TMEM154: variants seen among roughly 807,000 people sequenced by gnomAD.
TMEM154 encodes the protein transmembrane protein 154.
TMEM154 carries 27 observed loss-of-function variants against 24.5 expected under a neutral mutation model. The observed-to-expected ratio is 1.10, with a 90% CI of 0.81 to 1.52. TMEM154 has a LOEUF of 1.52. TMEM154 is among the 40% of genes most tolerant of loss of function. The pLI is 0.00. For synonymous variants in TMEM154, 67 were observed against 76.8 expected, an observed-to-expected ratio of 0.87 and a Z score of 0.67; for missense variants, 228 against 213.4, an observed-to-expected ratio of 1.07 and a Z score of -0.43.
rs144736773 is a variant in TMEM154 at position 152,651,437 on chromosome 4, C to T, written c.364+1101G>A. Among the ~76,000 whole-genome samples, 116 of 152,366 alleles carry T rather than the reference C, an allele frequency of 7.6e-4. 1 individual carries two copies. The highest frequency in any genetic ancestry group is 2.4e-4 in the Non-Finnish European group (16 of 68,038). ...TCTAGATAACTTGCTGCAGCTCCTA[C>T]ATCAGTCCTTGCTGCTTCATCTTGC... On this transcript the variant is annotated intron_variant, in intron 3 of 6. Coordinates refer to ENST00000304385, the MANE Select transcript of TMEM154 (RefSeq NM_152680.3).
rs1751862514 is a variant in TMEM154, at chr4:152,622,751, G to A, written c.*5795C>T. ...ATACATATTATTCTCAGTATGCAAA[G>A]TAGGAGAAAAACACCTAAAACCTTT... is the stretch of plus-strand genomic sequence containing the variant. On this transcript the variant is annotated 3_prime_UTR_variant, in exon 7 of 7. Transcript: ENST00000304385. 2 of 152,160 alleles carry A rather than the reference G, an allele frequency of 1.3e-5. No homozygotes were observed. The highest frequency in any genetic ancestry group is 4.1e-4 in the South Asian group (2 of 4,838). 9.4% of individuals were successfully genotyped at this position (152,160 alleles called of 1,614,324 possible).
At chr4:152,645,581 T>C (rs929291265) in intron 3 of TMEM154, among the ~76,000 whole-genome samples, 2 of 152,226 alleles carry the variant, frequency 1.3e-5, no homozygotes, top group African/African-American at 4.8e-5. Flanking sequence ...TGAAACCTAT[T>C]GAAAAGCAAA....
chr4:152,641,903 CTTTTTTTT>C (rs780465309), intron 5 of TMEM154, among the ~76,000 whole-genome samples: 47 of 41,462 alleles, frequency 1.1e-3, no homozygotes, highest in Admixed American at 3.8e-3. Context: ...AGCAATAATT[CTTTTTTTT>C]TTTTTTTTTT....
At chr4:152,658,223 A>G (rs6841692) in intron 1 of TMEM154, among the ~76,000 whole-genome samples, 2 of 151,832 alleles carry the variant, frequency 1.3e-5, no homozygotes, top group African/African-American at 4.8e-5. Context: ...GAAATTTTTT[A>G]AAAAAGGCTT....
chr4:152,629,889 C>A (rs1230551231), intron 6 of TMEM154, among the ~76,000 whole-genome samples: 1 of 152,012 alleles, frequency 6.6e-6, no homozygotes, highest in Non-Finnish European at 1.5e-5. Flanking sequence ...GGGCAGGAGA[C>A]ATTGTGTATA....
At chr4:152,664,440 C>T (rs571324436) in intron 1 of TMEM154, among the ~76,000 whole-genome samples, 1 of 152,222 alleles carries the variant, frequency 6.6e-6, no homozygotes, top group Non-Finnish European at 1.5e-5. Flanking sequence ...GGCTTAAAAC[C>T]TATATGATGG....
chr4:152,671,483 C>T (rs995546697), intron 1 of TMEM154, among the ~76,000 whole-genome samples: 19 of 152,002 alleles, frequency 1.2e-4, no homozygotes, highest in African/African-American at 4.3e-4. Flanking sequence ...CGCGGTGGCT[C>T]ACGCCTGTAA....
rs1752313898 is a variant in TMEM154 at position 152,644,398 on chromosome 4, C to T, written c.392+17G>A. On this transcript the variant is annotated intron_variant, in intron 4 of 6. Coordinates refer to ENST00000304385, the MANE Select transcript of TMEM154 (RefSeq NM_152680.3). ...GTTCACACCCCAGGTGGATCAGAAG[C>T]AGCAGGGAAAACTTACACTTTCACG... 2 of 1,613,932 alleles carry T rather than the reference C, an allele frequency of 1.2e-6. No homozygotes were observed. The highest frequency in any genetic ancestry group is 1.7e-5 in the Admixed American group (1 of 59,988).
In TMEM154 at chr4:152,661,341, T is replaced by TCTCC. The variant is rs1554013049; in HGVS notation, c.65-8415_65-8414insGGAG. 1.2e-3 allele frequency among the ~76,000 whole-genome samples: 126 copies of TCTCC among 109,228 alleles called. 2 individuals carry two copies. The highest frequency in any genetic ancestry group is 4.1e-3 in the African/African-American group (118 of 28,976). 71.7% of individuals were successfully genotyped at this position (109,228 alleles called of 152,430 possible). A position where few individuals can be genotyped will look rare whatever the true frequency, so the allele number is the denominator to read the frequency against. ...CTCTCTCTCTCTCTCTCTCTCTCTC[T>TCTCC]CCCCCCAACTCTATGATAGCTTCAA... On this transcript the variant is annotated intron_variant, in intron 1 of 6. Transcript: ENST00000304385.
rs1156848664 is a variant in TMEM154, at chr4:152,652,693, T to G, written c.299A>C (p.Tyr100Ser). ...LLLSVVFLAT[Y>S]YKRKRTKQEP... The stretch of plus-strand genomic sequence containing the variant: ...TTGTTTAGTTCTTTTTCTTTTATAG[T>G]ATGTTGCAAGGAATACCACGGATAA... The change falls in exon 2 of 7, where the codon TAC (tyrosine) becomes TCC (serine). Residue 100 changes from tyrosine (Y) to serine (S), a missense_variant. Coordinates refer to ENST00000304385, the MANE Select transcript of TMEM154 (RefSeq NM_152680.3). 6.2e-7 allele frequency: 1 copy of G among 1,613,702 alleles called. No individual in the cohort carries two copies. The highest frequency in any genetic ancestry group is 1.7e-5 in the Admixed American group (1 of 59,948).
chr4:152,678,338 A>G (rs963642725), intron 1 of TMEM154, among the ~76,000 whole-genome samples: 3 of 152,128 alleles, frequency 2.0e-5, no homozygotes, highest in Admixed American at 1.3e-4. Context: ...ACTAGGACTC[A>G]ATCATTTTTT....
At chr4:152,636,402 T>A (rs561204412) in intron 6 of TMEM154, among the ~76,000 whole-genome samples, 2 of 152,188 alleles carry the variant, frequency 1.3e-5, no homozygotes, top group Non-Finnish European at 2.9e-5. Context: ...AAAATAAGAA[T>A]ATGAAACACT....
intron 6 of TMEM154, among the ~76,000 whole-genome samples, chr4:152,633,242 A>G (rs1425442751): frequency 6.6e-6 from 1 of 152,226 alleles, no homozygotes; most frequent in Non-Finnish European, 1.5e-5. Flanking sequence ...GACCGTGAGC[A>G]ACGGACAAAG....
intron 3 of TMEM154, chr4:152,647,239 G>A (rs1728270847): frequency 1.0e-6 from 1 of 984,926 alleles, no homozygotes; most frequent in Admixed American, 6.1e-5. Flanking sequence ...GACATAGTGT[G>A]CAGGTGTCCA....
At chr4:152,640,806 G>A (rs763573002) in intron 6 of TMEM154, 122 bp downstream of exon 6, 19 of 794,046 alleles carry the variant, frequency 2.4e-5, no homozygotes, top group South Asian at 6.3e-5. Flanking sequence ...ATATCCAGCC[G>A]CGTAAATGAT....
chr4:152,621,215 T>G lies in TMEM154; in HGVS notation c.*7331A>C, dbSNP rs1338407190. ...GGCTCACCCTTGTGCTGGTTCCCTC[T>G]CTTTCCTTCTTGTGAATATCATGCT... On this transcript the variant is annotated 3_prime_UTR_variant, in exon 7 of 7. Coordinates refer to ENST00000304385, the MANE Select transcript of TMEM154 (RefSeq NM_152680.3). 1 of 152,268 alleles carries G rather than the reference T, an allele frequency of 6.6e-6. No individual in the cohort carries two copies. Among genetic ancestry groups the G allele is most frequent in the Non-Finnish European group, 1.5e-5 (1 of 68,058 alleles). 9.4% of individuals were successfully genotyped at this position (152,268 alleles called of 1,614,324 possible).
intron 1 of TMEM154, among the ~76,000 whole-genome samples, chr4:152,661,322 C>A (rs1020201796): frequency 6.7e-6 from 1 of 148,434 alleles, no homozygotes; most frequent in Admixed American, 6.7e-5. Flanking sequence ...CTCTCTCTCT[C>A]TCTCTCTCTC....
At position 152,644,423 on chromosome 4, in the gene TMEM154, G is replaced by A. The variant is rs755372327; in HGVS notation, c.384C>T (p.Asn128=). The A allele has an allele frequency of 1.7e-5, 28 of 1,613,978 alleles. No individual in the cohort carries two copies. The highest frequency in any genetic ancestry group is 3.3e-4 in the Middle Eastern group (2 of 6,082). Residue 128 remains asparagine, a synonymous_variant, in exon 4 of 7, where the codon AAC becomes AAT. Transcript: ENST00000304385. ...ALQTYELGSE[N]VKVPIFEEDT... ...CAGCAGGGAAAACTTACACTTTCAC[G>A]TTTTCACTTCCCAGTTCATCTAAAA...
intron 1 of TMEM154, among the ~76,000 whole-genome samples, chr4:152,678,143 G>C (rs1396884121): frequency 6.6e-6 from 1 of 152,112 alleles, no homozygotes; most frequent in Admixed American, 6.5e-5. Flanking sequence ...ACGACAACTG[G>C]AAGGAGGTGC....
Sources: allele counts gnomAD v4.1 joint callset (sites outside exome capture counted in the v4.1 genomes callset), GRCh38; gene constraint gnomAD v4.1.1; transcripts MANE v1.5; gene names NCBI Gene and HGNC (gene_info 2026-07-23, HGNC 2026-07-21).